HDAC9: variants seen among roughly 807,000 people sequenced by gnomAD.
HDAC9 encodes MEF-2 interacting transcription repressor (MITR) protein.
HDAC9 carries 41 observed loss-of-function variants against 139.4 expected under a neutral mutation model. That is an observed-to-expected ratio of 0.29 (90% CI 0.23 to 0.38). The LOEUF is 0.38. Among genes scored for constraint, HDAC9 ranks in the 10% least tolerant of loss-of-function variants. HDAC9 has a pLI of 1.00. For missense variants in HDAC9, 1,147 were observed against 1,297.0 expected, an observed-to-expected ratio of 0.88 and a Z score of 1.78; for synonymous variants, 517 against 476.2, an observed-to-expected ratio of 1.09 and a Z score of -1.12.
At chr7:18,526,625 T>C (rs1239552430) in intron 2 of HDAC9, among the ~76,000 whole-genome samples, 15 of 152,198 alleles carry the variant, frequency 9.9e-5, no homozygotes, top group Admixed American at 9.8e-4. Flanking sequence ...TTATAAGAAC[T>C]GACTGAAATT....
At chr7:18,664,077 G>C (rs1794059847) in intron 11 of HDAC9, among the ~76,000 whole-genome samples, 1 of 152,130 alleles carries the variant, frequency 6.6e-6, no homozygotes, top group African/African-American at 2.4e-5. Flanking sequence ...CAACTTTGTA[G>C]TCAAAATTTA....
intron 25 of HDAC9, among the ~76,000 whole-genome samples, chr7:18,990,344 C>G (rs1037529547): frequency 1.3e-5 from 2 of 150,976 alleles, no homozygotes; most frequent in Admixed American, 1.3e-4. Context: ...AGGGGTGCCT[C>G]CCAGTTAGGC....
Position 18,295,224 on chromosome 7 carries a change from G to C in HDAC9, c.-42+4709G>C, listed in dbSNP as rs142645800. Reference sequence around the variant, plus strand: ...GACAGAGGAGAAGCAGCCAGTAAAGGAGGTGGATAAGTCATGGTCAGAGAA... The same window carrying C: ...GACAGAGGAGAAGCAGCCAGTAAAGCAGGTGGATAAGTCATGGTCAGAGAA... On this transcript the variant is annotated intron_variant, in intron 1 of 3. Transcript: ENST00000413509. Among the ~76,000 whole-genome samples, 40 of 152,240 alleles carry C rather than the reference G, an allele frequency of 2.6e-4. 1 individual carries two copies. The highest frequency in any genetic ancestry group is 9.6e-4 in the African/African-American group (40 of 41,538).
chr7:18,541,936 A>G (rs1813104837), intron 2 of HDAC9, among the ~76,000 whole-genome samples: 1 of 152,104 alleles, frequency 6.6e-6, no homozygotes, highest in Admixed American at 6.5e-5. Context: ...AGATATATCC[A>G]TTTAGATCAG....
chr7:18,768,760 T>C (rs1371819363), intron 16 of HDAC9, among the ~76,000 whole-genome samples: 1 of 152,148 alleles, frequency 6.6e-6, no homozygotes, highest in Non-Finnish European at 1.5e-5. Context: ...TCTTTAGAAA[T>C]ATAGATGATC....
chr7:18,102,566 T>G (rs140760177), intron 1 of HDAC9, among the ~76,000 whole-genome samples: 310 of 152,312 alleles, frequency 2.0e-3, no homozygotes, highest in Admixed American at 8.0e-3. Flanking sequence ...ATTTATAGAA[T>G]TTTAAGAATA....
At chr7:18,497,774 C>T (rs1797313635) in intron 2 of HDAC9, among the ~76,000 whole-genome samples, 1 of 152,114 alleles carries the variant, frequency 6.6e-6, no homozygotes, top group Non-Finnish European at 1.5e-5. Context: ...CAGCACTATG[C>T]TTTATCCTTT....
At chr7:18,219,857 G>A (rs1343225317) in intron 2 of HDAC9, among the ~76,000 whole-genome samples, 1 of 152,162 alleles carries the variant, frequency 6.6e-6, no homozygotes, top group African/African-American at 2.4e-5. Context: ...ATGTTGTCTG[G>A]CAAGGCAGGA....
intron 9 of HDAC9, among the ~76,000 whole-genome samples, chr7:18,645,901 G>A (rs1283044706): frequency 3.9e-5 from 6 of 152,056 alleles, no homozygotes; most frequent in African/African-American, 1.4e-4. Flanking sequence ...ATTGTCAATA[G>A]ACTATAATGT....
rs540781511 is a variant in HDAC9 at position 18,267,502 on chromosome 7, G to C, written c.25+105153G>C. On this transcript the variant is annotated intron_variant, in intron 2 of 12. Coordinates refer to the HDAC9 transcript ENST00000417496. ...CCTTCTACTCTCTACTTCTATGAGA[G>C]TAATTTTTATAGAATTCTACCTATA... Among the ~76,000 whole-genome samples the C allele has an allele frequency of 3.4e-3, 520 of 152,160 alleles. 4 individuals are homozygous for C. Among genetic ancestry groups the C allele is most frequent in the African/African-American group, 0.012 (504 of 41,512 alleles).
intron 22 of HDAC9, chr7:18,892,238 G>A (rs993875482): frequency 1.3e-5 from 2 of 152,012 alleles, no homozygotes; most frequent in African/African-American, 4.8e-5. Context: ...CTCATACAAT[G>A]GTTTAAAATT....
At chr7:18,402,599 C>T (rs1303808718) in intron 1 of HDAC9, among the ~76,000 whole-genome samples, 2 of 152,078 alleles carry the variant, frequency 1.3e-5, no homozygotes, top group Non-Finnish European at 2.9e-5. Context: ...ATGAATGTAT[C>T]GGAGTGCCCT....
intron 1 of HDAC9, among the ~76,000 whole-genome samples, chr7:18,320,089 T>A (rs116680603): frequency 0.018 from 2,687 of 152,308 alleles, 69 homozygotes; most frequent in African/African-American, 0.061. Flanking sequence ...AGCCTGACTT[T>A]TAACAGGCTC....
At chr7:18,608,478 A>T (rs1836161249) in intron 6 of HDAC9, among the ~76,000 whole-genome samples, 2 of 152,080 alleles carry the variant, frequency 1.3e-5, no homozygotes, top group Non-Finnish European at 2.9e-5. Flanking sequence ...ATTCACAGTG[A>T]TTCCTCCATT....
At chr7:18,882,642 A>C (rs1435184865) in intron 22 of HDAC9, among the ~76,000 whole-genome samples, 7 of 150,846 alleles carry the variant, frequency 4.6e-5, no homozygotes, top group Non-Finnish European at 1.0e-4. Context: ...TTTCCTAATC[A>C]GCCAAAAAAA....
chr7:18,224,412 C>A (rs991668214), intron 2 of HDAC9, among the ~76,000 whole-genome samples: 3 of 152,062 alleles, frequency 2.0e-5, no homozygotes, highest in African/African-American at 4.8e-5. Flanking sequence ...CATAGTGGTC[C>A]TTAGGGGCCC....
At chr7:18,495,201 T>C (rs997353340), upstream of HDAC9, among the ~76,000 whole-genome samples, 2 of 152,062 alleles carry the variant, frequency 1.3e-5, no homozygotes, top group Non-Finnish European at 2.9e-5. Flanking sequence ...CCAACTGCAG[T>C]GTAGCCTGAG....
chr7:18,993,483 T>TAACA (rs973227401), intron 25 of HDAC9, among the ~76,000 whole-genome samples: 2 of 152,176 alleles, frequency 1.3e-5, no homozygotes, highest in Non-Finnish European at 2.9e-5. Flanking sequence ...ACTATGCTAC[T>TAACA]AACACTTCTA....
rs115220803 is a variant in HDAC9, at chr7:18,545,736, A to T, written c.23-39545A>T. The stretch of plus-strand genomic sequence containing the variant: ...GGGAAATTTAATAAATTTAAGAAAT[A>T]AAATGGCAGGTATGAAATGAATGAA... On this transcript the variant is annotated intron_variant, in intron 2 of 25. Coordinates refer to ENST00000686413, the MANE Select transcript of HDAC9 (RefSeq NM_178425.4). Among the ~76,000 whole-genome samples, 901 of 152,330 alleles carry T rather than the reference A, an allele frequency of 5.9e-3. 10 individuals are homozygous for T. Among genetic ancestry groups the T allele is most frequent in the African/African-American group, 0.021 (855 of 41,570 alleles).
Sources: allele counts gnomAD v4.1 joint callset (sites outside exome capture counted in the v4.1 genomes callset), GRCh38; gene constraint gnomAD v4.1.1; transcripts MANE v1.5; gene names NCBI Gene and HGNC (gene_info 2026-07-23, HGNC 2026-07-21).